The following TSPEAR variants were observed in gnomAD, a reference collection of about 807,000 sequenced individuals.
The protein encoded by TSPEAR is thrombospondin-type laminin G domain and EAR repeat-containing protein.
Under a neutral mutation model 71.6 loss-of-function variants are expected in TSPEAR, and 69 were observed. That is an observed-to-expected ratio of 0.96 (90% CI 0.79 to 1.18). The LOEUF (loss-of-function observed/expected upper bound fraction) is 1.18, where lower values mean the gene tolerates loss of function less well. Among genes scored for constraint, TSPEAR ranks in the 50% most tolerant of loss-of-function variants. The pLI is 0.00. For synonymous variants in TSPEAR, 402 were observed against 387.2 expected, an observed-to-expected ratio of 1.04 and a Z score of -0.45; for missense variants, 971 against 894.9, an observed-to-expected ratio of 1.09 and a Z score of -1.09.
intron 1 of TSPEAR, chr21:44,637,390 C>G: frequency 6.3e-7 from 1 of 1,586,694 alleles, no homozygotes; most frequent in Non-Finnish European, 8.6e-7. Context: ...CACACACCTC[C>G]CCCAGCTCAC....
chr21:44,684,116 G>A (rs782697390), intron 1 of TSPEAR, among the ~76,000 whole-genome samples: 7 of 152,160 alleles, frequency 4.6e-5, no homozygotes, highest in Non-Finnish European at 7.3e-5. Context: ...TACATACAAA[G>A]GAACAAGGAT....
At chr21:44,550,406 TG>T (rs1237685894) in intron 2 of TSPEAR, 8 of 598,254 alleles carry the variant, frequency 1.3e-5, no homozygotes, top group African/African-American at 3.7e-5. Context: ...GTGACGCTCC[TG>T]GGGGTGAGAC....
intron 1 of TSPEAR, among the ~76,000 whole-genome samples, chr21:44,689,357 C>T (rs1386277865): frequency 6.6e-6 from 1 of 151,816 alleles, no homozygotes; most frequent in African/African-American, 2.4e-5. Flanking sequence ...AAAAAATTAG[C>T]CAGGCGTGTT....
In TSPEAR at chr21:44,520,509, A is replaced by C. The variant is rs1386655499; in HGVS notation, c.1566+1374T>G. ...TGTGCCCCAGCCTGCCAGAGGGCTG[A>C]GCACGTGGGAGTCCCGGAGCAATTC... On this transcript the variant is annotated intron_variant, in intron 9 of 11. Transcript: ENST00000323084. This position sits in a 1 kb window ranked among gnomAD's most constrained non-coding sequence, Gnocchi z 4.2. The C allele has an allele frequency of 6.6e-6, 1 of 152,208 alleles. No individual in the cohort carries two copies. Among genetic ancestry groups the C allele is most frequent in the Non-Finnish European group, 1.5e-5 (1 of 68,048 alleles). The allele number at this position is 152,208 out of a possible 1,614,324, so 9.4% of individuals were successfully genotyped here. A position where few individuals can be genotyped will look rare whatever the true frequency, so the allele number is the denominator to read the frequency against.
In TSPEAR at chr21:44,579,833, G is replaced by T. The variant is rs201685413; in HGVS notation, c.83-11828C>A. On this transcript the variant is annotated intron_variant, in intron 1 of 11. Transcript: ENST00000323084. ...GCAGGAGGCCGGGCGGCAGCAGCTG[G>T]CCTGGTAGGAGGAGGCAGGGGCACA... 1.9e-6 allele frequency: 3 copies of T among 1,610,204 alleles called. No individual in the cohort carries two copies. In the African/African-American group the frequency reaches 4.0e-5, roughly 22 times the overall value.
chr21:44,619,114 G>A (rs1186840345), intron 1 of TSPEAR, among the ~76,000 whole-genome samples: 8 of 152,184 alleles, frequency 5.3e-5, no homozygotes, highest in Admixed American at 4.6e-4. Flanking sequence ...CAAGCAGGAA[G>A]TGAAGGGGAA....
At chr21:44,636,628 G>C (rs1412518162) in intron 1 of TSPEAR, among the ~76,000 whole-genome samples, 1 of 152,094 alleles carries the variant, frequency 6.6e-6, no homozygotes, top group African/African-American at 2.4e-5. Flanking sequence ...TTCTCATCCA[G>C]ACCCCAAGTA....
chr21:44,655,266 T>C (rs1230185558), intron 1 of TSPEAR, among the ~76,000 whole-genome samples: 1 of 152,220 alleles, frequency 6.6e-6, no homozygotes, highest in East Asian at 1.9e-4. Flanking sequence ...TGCAGGGATC[T>C]GGACTGCTTA....
intron 1 of TSPEAR, among the ~76,000 whole-genome samples, chr21:44,582,048 G>A (rs1468418525): frequency 2.6e-5 from 4 of 152,166 alleles, no homozygotes; most frequent in Non-Finnish European, 5.9e-5. Context: ...TAGAGGTTGT[G>A]CGAGAACTGT....
intron 1 of TSPEAR, among the ~76,000 whole-genome samples, chr21:44,584,330 C>T (rs896811029): frequency 2.0e-5 from 3 of 152,224 alleles, no homozygotes; most frequent in Non-Finnish European, 4.4e-5. Context: ...TTTATCCACT[C>T]ATCTGCTGAT....
chr21:44,688,606 G>C (rs1986968342), intron 1 of TSPEAR, among the ~76,000 whole-genome samples: 1 of 152,132 alleles, frequency 6.6e-6, no homozygotes. Context: ...TGTAGTCCCA[G>C]CTAGTCAGGA....
intron 1 of TSPEAR, among the ~76,000 whole-genome samples, chr21:44,657,224 A>T (rs1450950864): frequency 6.6e-6 from 1 of 151,772 alleles, no homozygotes; most frequent in Non-Finnish European, 1.5e-5. Flanking sequence ...TTCTTCCTTT[A>T]CTCATTTATT....
chr21:44,697,636 C>A (rs782691956), intron 1 of TSPEAR: 4 of 1,614,056 alleles, frequency 2.5e-6, no homozygotes, highest in East Asian at 4.5e-5. Context: ...GCATCTCCTC[C>A]CCGTGTCAAC....
At chr21:44,525,604 C>G in intron 8 of TSPEAR, 49 bp downstream of exon 8, 1 of 1,586,000 alleles carries the variant, frequency 6.3e-7, no homozygotes, top group Non-Finnish European at 8.6e-7. Context: ...AAGTCTCGCT[C>G]TGCCCCTGGA....
chr21:44,637,839 C>T, intron 1 of TSPEAR: 1 of 1,386,320 alleles, frequency 7.2e-7, no homozygotes, highest in Non-Finnish European at 9.9e-7. Context: ...ACCTCCTCCC[C>T]ATGCCAGCAG....
intron 1 of TSPEAR, among the ~76,000 whole-genome samples, chr21:44,699,955 A>G (rs569053520): frequency 2.0e-5 from 3 of 152,102 alleles, no homozygotes; most frequent in South Asian, 4.2e-4. Flanking sequence ...GAGCTGCCAG[A>G]TATCTTTGGG....
At chr21:44,584,738 G>A (rs1555925518) in intron 1 of TSPEAR, among the ~76,000 whole-genome samples, 1 of 152,156 alleles carries the variant, frequency 6.6e-6, no homozygotes. Flanking sequence ...TCACAGGAAG[G>A]TCTTATATTG....
intron 1 of TSPEAR, among the ~76,000 whole-genome samples, chr21:44,706,876 C>CA (rs1555952492): frequency 6.6e-6 from 1 of 152,214 alleles, no homozygotes; most frequent in Non-Finnish European, 1.5e-5. Context: ...CACCCAGGGC[C>CA]AAAGCCAACC....
intron 10 of TSPEAR, 113 bp from the exon 11 acceptor site, chr21:44,504,994 GGAGT>G: frequency 1.4e-6 from 1 of 740,424 alleles, no homozygotes; most frequent in Non-Finnish European, 2.4e-6. Flanking sequence ...GCCAAAGTGG[GGAGT>G]GATTTTCTCA....
Sources: allele counts gnomAD v4.1 joint callset (sites outside exome capture counted in the v4.1 genomes callset), GRCh38; gene constraint gnomAD v4.1.1; non-coding constraint Gnocchi (gnomAD v3.1); transcripts MANE v1.5; gene names NCBI Gene and HGNC (gene_info 2026-07-23, HGNC 2026-07-21).